DST: variants seen among roughly 807,000 people sequenced by gnomAD.
DST encodes the protein bullous pemphigoid antigen.
In DST, 253 loss-of-function variants were observed where a neutral mutation model predicts 875.2. That is an observed-to-expected ratio of 0.29 (90% CI 0.26 to 0.32). The LOEUF (loss-of-function observed/expected upper bound fraction) is 0.32, where lower values mean the gene tolerates loss of function less well. Among genes scored for constraint, DST ranks in the 10% least tolerant of loss-of-function variants. DST has a pLI of 1.00. For missense variants in DST, 8,287 were observed against 9,111.6 expected, an observed-to-expected ratio of 0.91 and a Z score of 3.68; for synonymous variants, 3,124 against 3,197.1, an observed-to-expected ratio of 0.98 and a Z score of 0.77.
chr6:56,746,194 C>T (rs1437979667), intron 4 of DST, among the ~76,000 whole-genome samples: 1 of 151,514 alleles, frequency 6.6e-6, no homozygotes, highest in Non-Finnish European at 1.5e-5. Flanking sequence ...TTTTTTTGTC[C>T]AGACCGGTCT....
chr6:56,690,811 T>C (rs1412334696), intron 9 of DST, among the ~76,000 whole-genome samples: 1 of 152,126 alleles, frequency 6.6e-6, no homozygotes, highest in Admixed American at 6.5e-5. Flanking sequence ...CAAAGATAAT[T>C]AAGAAACAGA....
chr6:56,815,346 A>G (rs1458679177), intron 4 of DST, among the ~76,000 whole-genome samples: 3 of 146,572 alleles, frequency 2.0e-5, no homozygotes, highest in African/African-American at 5.1e-5. Context: ...ACACCAAGGT[A>G]TACGTATAAA....
chr6:56,723,793 G>C (rs2099431213), intron 5 of DST, among the ~76,000 whole-genome samples: 1 of 152,088 alleles, frequency 6.6e-6, no homozygotes, highest in East Asian at 1.9e-4. Flanking sequence ...GATTAAACAG[G>C]GTTCTCTCCC....
Position 56,592,456 on chromosome 6 carries a change from A to C in DST, c.12727-98T>G, listed in dbSNP as rs559506631. The stretch of plus-strand genomic sequence containing the variant: ...CCTATAAAATATGTAACTTGGAAAA[A>C]AAACCAGACTTCCACCAAAGTTAAT... On this transcript the variant is annotated intron_variant, in intron 48 of 103. Transcript: ENST00000680361. 11 of 997,302 alleles carry C rather than the reference A, an allele frequency of 1.1e-5. No individual in the cohort carries two copies. In the African/African-American group the frequency reaches 1.2e-4, roughly 11 times the overall value. 61.8% of individuals were successfully genotyped at this position (997,302 alleles called of 1,614,324 possible).
intron 5 of DST, among the ~76,000 whole-genome samples, chr6:56,713,348 T>C (rs57488435): frequency 8.5e-5 from 13 of 152,248 alleles, no homozygotes; most frequent in South Asian, 2.1e-4. Flanking sequence ...ATCATCTCTT[T>C]TGGGGCTTTT....
At chr6:56,948,834 G>T (rs1315217372) in intron 2 of DST, among the ~76,000 whole-genome samples, 3 of 152,126 alleles carry the variant, frequency 2.0e-5, no homozygotes, top group African/African-American at 7.2e-5. Context: ...TAAGCACCTA[G>T]AAGACAGGAA....
At chr6:56,891,345 CCCAGGAGTTCAAGACCAA>C (rs1787314214) in intron 3 of DST, among the ~76,000 whole-genome samples, 1 of 151,994 alleles carries the variant, frequency 6.6e-6, no homozygotes, top group African/African-American at 2.4e-5. Context: ...TTCTCTTGAG[CCCAGGAGTTCAAGACCAA>C]CCAGGACAAC....
chr6:56,893,574 TTTTTTTTTTTTTTA>T, intron 3 of DST, among the ~76,000 whole-genome samples: 1 of 114,144 alleles, frequency 8.8e-6, no homozygotes, highest in South Asian at 2.4e-4. Context: ...TTTTTTTTTT[TTTTTTTTTTTTTTA>T]TTTTTTTTTA....
intron 5 of DST, among the ~76,000 whole-genome samples, chr6:56,726,021 C>T (rs1471071713): frequency 6.6e-6 from 1 of 152,124 alleles, no homozygotes; most frequent in Non-Finnish European, 1.5e-5. Context: ...TGTACATCAA[C>T]AGCATTGTGC....
chr6:56,695,354 T>C (rs183579519), intron 9 of DST, among the ~76,000 whole-genome samples: 199 of 152,154 alleles, frequency 1.3e-3, no homozygotes, highest in African/African-American at 4.4e-3. Context: ...TTCTGTTCTT[T>C]ATAAACTACT....
chr6:56,473,990 C>T lies in DST; in HGVS notation c.21877G>A (p.Glu7293Lys), dbSNP rs1025133819. The change falls in exon 93 of 104, where the codon GAA becomes AAA. Residue 7293 changes from glutamate to lysine, a missense_variant. Coordinates refer to ENST00000680361, the MANE Select transcript of DST (RefSeq NM_001374736.1). ...ACATCAGGCTGTTTTCTGGTCATTT[C>T]CTCCATGAAGGTCTGAAATGAAAGA... ...LIAEHQTFME[E>K]MTRKQPDVDK... 2 of 1,577,382 alleles carry T rather than the reference C, an allele frequency of 1.3e-6. No individual in the cohort carries two copies. Among genetic ancestry groups the T allele is most frequent in the Middle Eastern group, 1.7e-4 (1 of 6,014 alleles).
At chr6:56,492,754 TA>T (rs946970619) in intron 84 of DST, among the ~76,000 whole-genome samples, 179 bp downstream of exon 84, 3 of 151,564 alleles carry the variant, frequency 2.0e-5, no homozygotes, top group Non-Finnish European at 4.4e-5. Context: ...CCTATAATCC[TA>T]GCTACCTGTG....
At chr6:56,781,668 A>G (rs2099694279) in intron 4 of DST, among the ~76,000 whole-genome samples, 1 of 152,214 alleles carries the variant, frequency 6.6e-6, no homozygotes, top group Admixed American at 6.5e-5. Flanking sequence ...TCGTCTGCAA[A>G]CAGGGACAAT....
intron 4 of DST, among the ~76,000 whole-genome samples, chr6:56,802,466 C>T (rs908373439): frequency 6.6e-6 from 1 of 151,972 alleles, no homozygotes; most frequent in Non-Finnish European, 1.5e-5. Flanking sequence ...TAGTTTTATA[C>T]ATGTATATAT....
chr6:56,532,322 G>C, intron 64 of DST, 22 bp downstream of exon 64: 1 of 1,610,330 alleles, frequency 6.2e-7, no homozygotes, highest in African/African-American at 1.3e-5. Flanking sequence ...TCTTTCAAAA[G>C]AACTGGAAGT....
chr6:56,894,809 A>AC (rs1225482993), intron 3 of DST, among the ~76,000 whole-genome samples: 1 of 68,034 alleles, frequency 1.5e-5, no homozygotes, highest in African/African-American at 9.3e-5. Flanking sequence ...CGGGGGGCTG[A>AC]CCCCCCCACC....
intron 75 of DST, among the ~76,000 whole-genome samples, chr6:56,507,423 C>T (rs2096353060): frequency 6.6e-6 from 1 of 152,214 alleles, no homozygotes; most frequent in Non-Finnish European, 1.5e-5. Flanking sequence ...GGGGCCCACA[C>T]TACAGCAGGA....
intron 90 of DST, among the ~76,000 whole-genome samples, chr6:56,478,947 C>A (rs1304362823): frequency 1.3e-5 from 2 of 152,062 alleles, no homozygotes; most frequent in African/African-American, 4.8e-5. Context: ...AAAGCTTCTG[C>A]ACAACAAAAG....
chr6:56,545,899 A>C (rs1249004275), intron 61 of DST, among the ~76,000 whole-genome samples: 1 of 152,184 alleles, frequency 6.6e-6, no homozygotes, highest in Non-Finnish European at 1.5e-5. Flanking sequence ...AAGAGCAAAA[A>C]TTGTTCTTTC....
Sources: allele counts gnomAD v4.1 joint callset (sites outside exome capture counted in the v4.1 genomes callset), GRCh38; gene constraint gnomAD v4.1.1; transcripts MANE v1.5; gene names NCBI Gene and HGNC (gene_info 2026-07-23, HGNC 2026-07-21).